ZBTB24: variants seen among roughly 807,000 people sequenced by gnomAD.
ZBTB24 encodes zinc finger and BTB domain containing 24.
ZBTB24 carries 32 observed loss-of-function variants against 53.8 expected under a neutral mutation model. That is an observed-to-expected ratio of 0.60 (90% CI 0.45 to 0.80). The LOEUF (loss-of-function observed/expected upper bound fraction) is 0.80, where lower values mean the gene tolerates loss of function less well. ZBTB24 is among the 30% of genes least tolerant of loss of function. ZBTB24 has a pLI of 0.00. For missense variants in ZBTB24, 722 were observed against 837.1 expected (o/e 0.86, Z 1.70); for synonymous variants, 297 against 306.7 (o/e 0.97, Z 0.33).
At chr6:109,480,476 C>T (rs560457194) in intron 2 of ZBTB24, among the ~76,000 whole-genome samples, 70 of 152,252 alleles carry the variant, frequency 4.6e-4, no homozygotes, top group African/African-American at 1.7e-3. Flanking sequence ...TACTGGCCAC[C>T]ATATTGGACA....
Position 109,481,775 on chromosome 6 carries a change from T to C in ZBTB24, c.252A>G (p.Ala84=). Reference sequence around the variant, plus strand: ...ATTCCAGCAGGATACCAAAGGTGTCTGCAACCATGCCTTCCAGCATATAAA... The same window carrying C: ...ATTCCAGCAGGATACCAAAGGTGTCCGCAACCATGCCTTCCAGCATATAAA... ...QSIYMLEGMV[A]DTFGILLEFI... is the part of the protein sequence containing the mutation. Residue 84 remains alanine, a synonymous_variant, in exon 2 of 7, where the codon GCA becomes GCG. Coordinates refer to ENST00000230122, the MANE Select transcript of ZBTB24 (RefSeq NM_014797.3). 10 of 1,614,256 alleles carry C rather than the reference T, an allele frequency of 6.2e-6. No homozygotes were observed. Among genetic ancestry groups the C allele is most frequent in the Non-Finnish European group, 8.5e-6 (10 of 1,180,042 alleles).
chr6:109,473,836 G>A (rs150600160), intron 5 of ZBTB24, among the ~76,000 whole-genome samples: 2,070 of 151,692 alleles, frequency 0.014, 44 homozygotes, highest in African/African-American at 0.048. Context: ...TAATCCCAGC[G>A]CTTTGGGAGG....
chr6:109,476,242 G>C lies in ZBTB24; in HGVS notation c.1137C>G (p.Thr379=). The part of the protein sequence containing the change: ...MSLHSGQKSF[T]CDQCGKYFSQ... ...TGAAATATTTTCCGCATTGATCACA[G>C]GTAAAAGACTTCTGTCCTGCCAAAA... The change falls in exon 4 of 7, where the codon ACC becomes ACG. Residue 379 remains threonine, a synonymous_variant. Transcript: ENST00000230122. The C allele has an allele frequency of 6.2e-7, 1 of 1,613,892 alleles. No homozygotes were observed. The highest frequency in any genetic ancestry group is 8.5e-7 in the Non-Finnish European group (1 of 1,180,002).
At chr6:109,466,690 G>A in intron 6 of ZBTB24, 116 bp from the exon 7 acceptor site, 3 of 1,369,752 alleles carry the variant, frequency 2.2e-6, no homozygotes, top group East Asian at 2.5e-5. Flanking sequence ...CAAGTCATAA[G>A]TCATGGGTTC....
In ZBTB24 at chr6:109,481,414, CACT is replaced by C; in HGVS notation, c.610_612del (p.Ser204del). ...GCTGCAATTTGCTCATTCAGTACAC[CACT>C]GTCTCCTTTAACCACAAAGTTTTGT... On this transcript the variant is annotated inframe_deletion, in exon 2 of 7. Coordinates refer to ENST00000230122, the MANE Select transcript of ZBTB24 (RefSeq NM_014797.3). 4 of 1,614,178 alleles carry C rather than the reference CACT, an allele frequency of 2.5e-6. No homozygotes were observed. Among genetic ancestry groups the C allele is most frequent in the South Asian group, 1.1e-5 (1 of 91,086 alleles).
At position 109,476,924 on chromosome 6, in the gene ZBTB24, C is replaced by T. The variant is rs1386101613; in HGVS notation, c.959G>A (p.Arg320Gln). 1.9e-6 allele frequency: 3 copies of T among 1,613,838 alleles called. No homozygotes were observed. Among genetic ancestry groups the T allele is most frequent in the Non-Finnish European group, 2.5e-6 (3 of 1,179,992 alleles). ...TCCACACTCATTACATTTGAAAGGT[C>T]GCTCCCCTGGAAGAAGAGCCCCAGA... ...AIHQRSHTGE[R>Q]PFKCNECGKG... The change falls in exon 3 of 7, where the codon CGA becomes CAA. Residue 320 changes from arginine to glutamine, a missense_variant. By Grantham distance (43) the Arg-to-Gln change is conservative. Coordinates refer to ENST00000230122, the MANE Select transcript of ZBTB24 (RefSeq NM_014797.3).
chr6:109,474,071 A>G (rs1210866482), intron 5 of ZBTB24, among the ~76,000 whole-genome samples: 1 of 145,622 alleles, frequency 6.9e-6, no homozygotes, highest in Non-Finnish European at 1.5e-5. Flanking sequence ...CCTGGGCGAC[A>G]GAGACAGTGA....
intron 3 of ZBTB24, 57 bp from the exon 4 acceptor site, chr6:109,476,315 T>A (rs572536263): frequency 1.3e-6 from 2 of 1,585,998 alleles, no homozygotes; most frequent in Admixed American, 3.3e-5. Flanking sequence ...ACTGGAATGC[T>A]CACTAATAAG....
At chr6:109,476,391 C>G (rs879281749) in intron 3 of ZBTB24, 133 bp from the exon 4 acceptor site, 3 of 884,426 alleles carry the variant, frequency 3.4e-6, no homozygotes, top group Middle Eastern at 2.4e-4. Context: ...GTTTACATAC[C>G]CAGAAGCCTT....
chr6:109,477,006 A>G (rs566313949), intron 2 of ZBTB24, 76 bp from the exon 3 acceptor site: 1 of 1,552,900 alleles, frequency 6.4e-7, no homozygotes, highest in Admixed American at 1.9e-5. Flanking sequence ...TTAAAAAAAC[A>G]ATAAAGGATT....
intron 6 of ZBTB24, among the ~76,000 whole-genome samples, chr6:109,467,425 C>T (rs186659590): frequency 3.3e-5 from 5 of 152,194 alleles, no homozygotes; most frequent in East Asian, 1.9e-4. Context: ...GTGGGAGAAT[C>T]GCCTGAACTC....
intron 5 of ZBTB24, among the ~76,000 whole-genome samples, chr6:109,469,668 A>C (rs1419343245): frequency 1.3e-5 from 2 of 152,236 alleles, no homozygotes; most frequent in Non-Finnish European, 1.5e-5. Context: ...AACAAAAAAG[A>C]AACTTTTCTA....
chr6:109,480,735 G>T (rs1776387139), intron 2 of ZBTB24, among the ~76,000 whole-genome samples: 1 of 152,142 alleles, frequency 6.6e-6, no homozygotes, highest in Admixed American at 6.5e-5. Flanking sequence ...AATGAGAGGG[G>T]TTCTTGAACC....
intron 5 of ZBTB24, among the ~76,000 whole-genome samples, chr6:109,472,457 T>TC (rs1776186618): frequency 6.6e-6 from 1 of 152,084 alleles, no homozygotes; most frequent in African/African-American, 2.4e-5. Context: ...CATCCCCACT[T>TC]CAAGTCCTAC....
chr6:109,480,470 G>A (rs1250261184), intron 2 of ZBTB24, among the ~76,000 whole-genome samples: 2 of 152,006 alleles, frequency 1.3e-5, no homozygotes, highest in Non-Finnish European at 2.9e-5. Flanking sequence ...TGTGGTTACT[G>A]GCCACCATAT....
At chr6:109,479,100 G>C (rs1313413876) in intron 2 of ZBTB24, among the ~76,000 whole-genome samples, 1 of 152,156 alleles carries the variant, frequency 6.6e-6, no homozygotes, top group African/African-American at 2.4e-5. Flanking sequence ...AGAAAACAGA[G>C]AGGAGAAATC....
At chr6:109,471,921 C>T (rs924712964) in intron 5 of ZBTB24, among the ~76,000 whole-genome samples, 1 of 152,136 alleles carries the variant, frequency 6.6e-6, no homozygotes, top group Non-Finnish European at 1.5e-5. Flanking sequence ...TGCTTGTCTG[C>T]CTGACACTTT....
In ZBTB24 at chr6:109,465,486, C is replaced by CA. The variant is rs755133958; in HGVS notation, c.*364dup. ...AAATGACTCCCTTTGTCCTAGAAAA[C>CA]AAAAAAACATAACTGGGGAGGTTGG... On this transcript the variant is annotated 3_prime_UTR_variant, in exon 7 of 7. Transcript: ENST00000230122. The CA allele has an allele frequency of 4.4e-5, 30 of 686,130 alleles. No homozygotes were observed. Among genetic ancestry groups the CA allele is most frequent in the Admixed American group, 9.0e-5 (3 of 33,220 alleles). 42.5% of individuals were successfully genotyped at this position (686,130 alleles called of 1,614,324 possible).
Position 109,466,036 on chromosome 6 carries a change from C to A in ZBTB24, c.1909G>T (p.Val637Leu). Residue 637 changes from valine to leucine, a missense_variant, in exon 7 of 7, where the codon GTG (valine) becomes TTG (leucine). Coordinates refer to ENST00000230122, the MANE Select transcript of ZBTB24 (RefSeq NM_014797.3). ...MGPSQTEPVH[V>L]ITLSKETLEH... ...AGTGTTTCCTTGGACAGAGTGATCACGTGCACTGGCTCTGTTTGTGAGGGC... is the reference window on the plus strand; with the variant it reads ...AGTGTTTCCTTGGACAGAGTGATCAAGTGCACTGGCTCTGTTTGTGAGGGC... 6.2e-7 allele frequency: 1 copy of A among 1,614,188 alleles called. No individual in the cohort carries two copies. Among genetic ancestry groups the A allele is most frequent in the Non-Finnish European group, 8.5e-7 (1 of 1,180,038 alleles).
Sources: gnomAD v4.1 joint callset for allele counts (sites outside exome capture counted in the v4.1 genomes callset) on GRCh38, gnomAD v4.1.1 for gene constraint, MANE v1.5 for transcripts, NCBI Gene and HGNC (gene_info 2026-07-23, HGNC 2026-07-21) for gene names.